The following ZSCAN22 variants were observed in gnomAD, a reference collection of about 807,000 sequenced individuals.
ZSCAN22 encodes the protein zinc finger and SCAN domain-containing protein 22.
ZSCAN22 carries 7 observed loss-of-function variants against 12.4 expected under a neutral mutation model. The ratio of observed to expected loss-of-function variants is 0.57; its 90% confidence interval spans 0.32 to 1.06. The LOEUF (loss-of-function observed/expected upper bound fraction) is 1.06. Among genes scored for constraint, ZSCAN22 ranks in the 50% least tolerant of loss-of-function variants. ZSCAN22 has a pLI of 0.04. For synonymous variants in ZSCAN22, 243 were observed against 255.9 expected (o/e 0.95, Z 0.48); for missense variants, 576 against 631.7 (o/e 0.91, Z 0.94).
At chr19:58,331,767 G>C (rs1412053616) in intron 1 of ZSCAN22, among the ~76,000 whole-genome samples, 1 of 151,648 alleles carries the variant, frequency 6.6e-6, no homozygotes, top group African/African-American at 2.4e-5. Flanking sequence ...GGATGGTCTC[G>C]ATCTCTTGAC....
chr19:58,327,915 A>G (rs2051674654), intron 1 of ZSCAN22, among the ~76,000 whole-genome samples: 1 of 152,164 alleles, frequency 6.6e-6, no homozygotes, highest in Non-Finnish European at 1.5e-5. Context: ...CAGTGGCGCA[A>G]TCTCGGCTCA....
Position 58,338,733 on chromosome 19 carries a change from C to G in ZSCAN22, c.883C>G (p.Pro295Ala), listed in dbSNP as rs758415041. The change falls in exon 3 of 3, where the codon CCA (proline) becomes GCA (alanine). Residue 295 changes from proline (P) to alanine (A), a missense_variant. Transcript: ENST00000329665. This position sits in a 1 kb window ranked among gnomAD's most constrained non-coding sequence, Gnocchi z 5.4. ...CCAGAAGACCCATTCTCGGAAGACC[C>G]CATATGCCTGCAGCGAGTGTGGGAA... Reference protein sequence around the residue: ...AHQKTHSRKTPYACSECGKAF... With the variant: ...AHQKTHSRKTAYACSECGKAF... 4 of 1,614,106 alleles carry G rather than the reference C, an allele frequency of 2.5e-6. No homozygotes were observed. In the African/African-American group the frequency reaches 4.0e-5, roughly 16 times the overall value.
At chr19:58,333,775 C>T (rs892106960) in intron 1 of ZSCAN22, among the ~76,000 whole-genome samples, 3 of 152,228 alleles carry the variant, frequency 2.0e-5, no homozygotes, top group Non-Finnish European at 2.9e-5. Flanking sequence ...ACCCGGGAGG[C>T]GGAGTTGCAG....
chr19:58,331,151 G>C (rs913853519), intron 1 of ZSCAN22, among the ~76,000 whole-genome samples: 20 of 152,050 alleles, frequency 1.3e-4, no homozygotes, highest in African/African-American at 4.6e-4. Context: ...TTACTGATAA[G>C]GCGTCTTTTG....
chr19:58,334,591 T>C (rs1020780951), intron 1 of ZSCAN22, 161 bp from the exon 2 acceptor site: 6 of 565,532 alleles, frequency 1.1e-5, no homozygotes, highest in East Asian at 2.9e-5. Context: ...CTTAGAACAG[T>C]GCTCAGCACC....
rs929724356 is a variant in ZSCAN22, at chr19:58,339,483, A to G, written c.*157A>G. ...GGCAGACTCGGGCTGTCTAGGAACCACTCTGCATTTGAGGAACCCTGATGA... is the reference window on the plus strand; with the variant it reads ...GGCAGACTCGGGCTGTCTAGGAACCGCTCTGCATTTGAGGAACCCTGATGA... On this transcript the variant is annotated 3_prime_UTR_variant, in exon 3 of 3. Transcript: ENST00000329665. This position sits in a 1 kb window ranked among gnomAD's most constrained non-coding sequence, Gnocchi z 5.6. 2.8e-5 allele frequency: 19 copies of G among 689,570 alleles called. No individual in the cohort carries two copies. Among genetic ancestry groups the G allele is most frequent in the Middle Eastern group, 4.0e-4 (1 of 2,492 alleles). The allele number at this position is 689,570 out of a possible 1,614,324, so 42.7% of individuals were successfully genotyped here.
chr19:58,328,660 G>C (rs2051685320), intron 1 of ZSCAN22, among the ~76,000 whole-genome samples: 1 of 152,188 alleles, frequency 6.6e-6, no homozygotes, highest in Non-Finnish European at 1.5e-5. Flanking sequence ...GAGGTTGGCT[G>C]AGGAGGCTGA....
intron 1 of ZSCAN22, among the ~76,000 whole-genome samples, chr19:58,330,335 A>C (rs1230251558): frequency 1.3e-5 from 2 of 152,182 alleles, no homozygotes; most frequent in Admixed American, 1.3e-4. Flanking sequence ...TCTCCCTCTG[A>C]ATGTCGGTAG....
chr19:58,327,206 G>C (rs1434330689), intron 1 of ZSCAN22, 92 bp downstream of exon 1: 1 of 152,638 alleles, frequency 6.6e-6, no homozygotes. Flanking sequence ...GCCAGAGCGA[G>C]ATGCGGGGTA....
intron 2 of ZSCAN22, among the ~76,000 whole-genome samples, chr19:58,336,098 T>C (rs2051793847): frequency 6.6e-6 from 1 of 152,138 alleles, no homozygotes; most frequent in South Asian, 2.1e-4. Flanking sequence ...CAAGGCTCAG[T>C]AGATCCAACC....
chr19:58,332,727 C>G (rs775637522), intron 1 of ZSCAN22, among the ~76,000 whole-genome samples: 2 of 152,122 alleles, frequency 1.3e-5, no homozygotes, highest in Non-Finnish European at 2.9e-5. Context: ...TGGATTGTTT[C>G]TCCTTTTTTG....
At chr19:58,327,305 G>C (rs1418510481) in intron 1 of ZSCAN22, among the ~76,000 whole-genome samples, 191 bp downstream of exon 1, 1 of 152,218 alleles carries the variant, frequency 6.6e-6, no homozygotes, top group African/African-American at 2.4e-5. Flanking sequence ...GGATGTGACG[G>C]ACTGACGGAC....
In ZSCAN22 at chr19:58,339,950, C is replaced by T. The variant is rs1002216867; in HGVS notation, c.*624C>T. 2 of 153,086 alleles carry T rather than the reference C, an allele frequency of 1.3e-5. No homozygotes were observed. The highest frequency in any genetic ancestry group is 2.9e-5 in the Non-Finnish European group (2 of 68,374). 9.5% of individuals were successfully genotyped at this position (153,086 alleles called of 1,614,324 possible). A position where few individuals can be genotyped will look rare whatever the true frequency, so the allele number is the denominator to read the frequency against. Reference sequence around the variant, plus strand: ...CCTGCCCAGCATGTTCCTGTCTCTCCTTTTCCTTCCACATCCCACCAGTCA... The same window carrying T: ...CCTGCCCAGCATGTTCCTGTCTCTCTTTTTCCTTCCACATCCCACCAGTCA... On this transcript the variant is annotated 3_prime_UTR_variant, in exon 3 of 3. Coordinates refer to ENST00000329665, the MANE Select transcript of ZSCAN22 (RefSeq NM_181846.3). This position sits in a 1 kb window ranked among gnomAD's most constrained non-coding sequence, Gnocchi z 5.6.
intron 1 of ZSCAN22, among the ~76,000 whole-genome samples, chr19:58,330,481 A>G (rs1009336007): frequency 1.3e-5 from 2 of 152,226 alleles, no homozygotes; most frequent in African/African-American, 4.8e-5. Flanking sequence ...GCCCTCACCA[A>G]TAGTACATGA....
chr19:58,339,014 C>T lies in ZSCAN22; in HGVS notation c.1164C>T (p.Ala388=), dbSNP rs2051836334. ...RPYECDACGK[A]FSQSTHLTQH... The stretch of plus-strand genomic sequence containing the variant: ...ACGAGTGTGACGCGTGTGGGAAAGC[C>T]TTCAGCCAGAGCACGCACCTGACTC... The change falls in exon 3 of 3, where the codon GCC becomes GCT. Residue 388 remains alanine, a synonymous_variant. Coordinates refer to ENST00000329665, the MANE Select transcript of ZSCAN22 (RefSeq NM_181846.3). The surrounding 1 kb of genome is among the most constrained non-coding windows in gnomAD (Gnocchi z 5.6). 2 of 1,613,874 alleles carry T rather than the reference C, an allele frequency of 1.2e-6. No individual in the cohort carries two copies. Among genetic ancestry groups the T allele is most frequent in the African/African-American group, 1.3e-5 (1 of 75,048 alleles).
intron 1 of ZSCAN22, among the ~76,000 whole-genome samples, chr19:58,327,421 G>A (rs1188737311): frequency 6.6e-6 from 1 of 152,164 alleles, no homozygotes; most frequent in Non-Finnish European, 1.5e-5. Flanking sequence ...ACGGACCGAC[G>A]GAGAATGTGT....
chr19:58,335,170 T>C lies in ZSCAN22; in HGVS notation c.368T>C (p.Leu123Pro). 6.2e-7 allele frequency: 1 copy of C among 1,610,244 alleles called. No homozygotes were observed. Among genetic ancestry groups the C allele is most frequent in the Non-Finnish European group, 8.5e-7 (1 of 1,177,884 alleles). ...AAGAGCGGAGAGGAAGCCGCTGTGC[T>C]GGTGGAGGATCTGACTCAGGTGCTG... is the stretch of plus-strand genomic sequence containing the variant. ...SPKSGEEAAV[L>P]VEDLTQVLDK... Residue 123 changes from leucine to proline, a missense_variant, in exon 2 of 3, where the codon CTG becomes CCG. Leu to Pro is a moderately conservative substitution (Grantham distance 98). Transcript: ENST00000329665. This position sits in a 1 kb window ranked among gnomAD's most constrained non-coding sequence, Gnocchi z 4.1.
At chr19:58,330,238 C>T (rs548530121) in intron 1 of ZSCAN22, among the ~76,000 whole-genome samples, 4 of 152,186 alleles carry the variant, frequency 2.6e-5, no homozygotes, top group African/African-American at 9.6e-5. Flanking sequence ...TGCAGTGAGC[C>T]AAGATTGCGC....
rs763140690 is a variant in ZSCAN22 at position 58,335,162 on chromosome 19, C to T, written c.360C>T (p.Ala120=). ...AGAGTCCCAAGAGCGGAGAGGAAGC[C>T]GCTGTGCTGGTGGAGGATCTGACTC... ...GAQSPKSGEE[A]AVLVEDLTQV... Residue 120 remains alanine, a synonymous_variant, in exon 2 of 3, where the codon GCC becomes GCT. Transcript: ENST00000329665. The surrounding 1 kb of genome is among the most constrained non-coding windows in gnomAD (Gnocchi z 4.1). 8.1e-6 allele frequency: 13 copies of T among 1,611,944 alleles called. No individual in the cohort carries two copies. In the South Asian group the frequency reaches 1.2e-4, roughly 15 times the overall value.
Sources: allele counts gnomAD v4.1 joint callset (sites outside exome capture counted in the v4.1 genomes callset), GRCh38; gene constraint gnomAD v4.1.1; non-coding constraint Gnocchi (gnomAD v3.1); transcripts MANE v1.5; gene names NCBI Gene and HGNC (gene_info 2026-07-23, HGNC 2026-07-21).